The following GYS2 variants were observed in gnomAD, a reference collection of about 807,000 sequenced individuals.
GYS2 encodes glycogen synthase 2.
GYS2 carries 80 observed loss-of-function variants against 85.6 expected under a neutral mutation model. That is an observed-to-expected ratio of 0.93 (90% CI 0.78 to 1.13). The LOEUF (loss-of-function observed/expected upper bound fraction) is 1.13. GYS2 is among the 50% of genes most tolerant of loss of function. The pLI is 0.00. For synonymous variants in GYS2, 328 were observed against 300.7 expected (o/e 1.09, Z -0.94); for missense variants, 881 against 854.9 (o/e 1.03, Z -0.38).
At chr12:21,541,281 A>AAAAC (rs1943971490) in intron 13 of GYS2, among the ~76,000 whole-genome samples, 1 of 139,710 alleles carries the variant, frequency 7.2e-6, no homozygotes, top group African/African-American at 2.6e-5. Context: ...AAAAAAAAAA[A>AAAAC]AAAAAAAAAA....
chr12:21,562,774 A>T, intron 7 of GYS2, 144 bp downstream of exon 7: 1 of 824,500 alleles, frequency 1.2e-6, no homozygotes. Context: ...TCCAATATGT[A>T]AATTGAAAGG....
rs572041175 is a variant in GYS2 at position 21,567,901 on chromosome 12, C to G, written c.823+964G>C. Reference sequence around the variant, plus strand: ...CAGCCTGGCCAAGATAGTGAAACCCCGTCTCTACTAAAAATACAAAAATTA... The same window carrying G: ...CAGCCTGGCCAAGATAGTGAAACCCGGTCTCTACTAAAAATACAAAAATTA... On this transcript the variant is annotated intron_variant, in intron 5 of 15. Coordinates refer to ENST00000261195, the MANE Select transcript of GYS2 (RefSeq NM_021957.4). 2.6e-5 allele frequency among the ~76,000 whole-genome samples: 4 copies of G among 152,004 alleles called. No individual in the cohort carries two copies. In the South Asian group the frequency reaches 8.3e-4, roughly 32 times the overall value.
intron 3 of GYS2, among the ~76,000 whole-genome samples, chr12:21,575,635 T>C (rs2136905494): frequency 6.6e-6 from 1 of 152,264 alleles, no homozygotes; most frequent in African/African-American, 2.4e-5. Flanking sequence ...TTGATACACA[T>C]CATGCCATTT....
chr12:21,567,030 T>A (rs1306540218), intron 5 of GYS2, among the ~76,000 whole-genome samples: 1 of 152,138 alleles, frequency 6.6e-6, no homozygotes, highest in Non-Finnish European at 1.5e-5. Context: ...ATGTGCAGTG[T>A]CATGAAAAAT....
intron 12 of GYS2, 93 bp from the exon 13 acceptor site, chr12:21,542,684 A>T: frequency 1.3e-6 from 1 of 770,740 alleles, no homozygotes; most frequent in Non-Finnish European, 2.3e-6. Context: ...TCCTCCTAAG[A>T]ATAGCAATGT....
intron 1 of GYS2, among the ~76,000 whole-genome samples, chr12:21,590,839 C>G (rs1944630445): frequency 2.0e-5 from 3 of 152,126 alleles, no homozygotes; most frequent in Non-Finnish European, 4.4e-5. Context: ...CAAATGCACC[C>G]TAAGCCACTG....
chr12:21,543,687 G>A (rs1303136746), intron 12 of GYS2, among the ~76,000 whole-genome samples: 1 of 151,926 alleles, frequency 6.6e-6, no homozygotes, highest in Admixed American at 6.6e-5. Flanking sequence ...TCAACCCATC[G>A]TCTAGGTTTT....
chr12:21,559,676 T>G lies in GYS2; in HGVS notation c.1204A>C (p.Lys402Gln). Reference sequence around the variant, plus strand: ...CTTAATAATGCATCATAGAGTTTTTTTCCAAACTTTTCCTTCACAGAATGT... The same window carrying G: ...CTTAATAATGCATCATAGAGTTTTTGTCCAAACTTTTCCTTCACAGAATGT... ...VAHSVKEKFG[K>Q]KLYDALLRGE... is the part of the protein sequence containing the mutation. The change falls in exon 9 of 16, where the codon AAA becomes CAA. Residue 402 changes from lysine (K) to glutamine (Q), a missense_variant. Physicochemically the swap from Lys to Gln is moderately conservative, Grantham distance 53 (BLOSUM62 1). Transcript: ENST00000261195. The G allele has an allele frequency of 6.3e-7, 1 of 1,592,576 alleles. No homozygotes were observed. The highest frequency in any genetic ancestry group is 1.1e-5 in the South Asian group (1 of 90,626).
intron 11 of GYS2, among the ~76,000 whole-genome samples, chr12:21,555,993 AATGCTG>A: frequency 6.6e-6 from 1 of 152,134 alleles, no homozygotes; most frequent in Admixed American, 6.5e-5. Context: ...TGTGTTACTT[AATGCTG>A]TATCATGAGG....
intron 11 of GYS2, among the ~76,000 whole-genome samples, chr12:21,556,093 T>C (rs945060424): frequency 1.7e-4 from 26 of 152,312 alleles, no homozygotes; most frequent in African/African-American, 6.3e-4. Context: ...TTCCCTGACT[T>C]TTCTTCCTCT....
At chr12:21,598,414 A>G (rs891083201) in intron 1 of GYS2, among the ~76,000 whole-genome samples, 1 of 151,990 alleles carries the variant, frequency 6.6e-6, no homozygotes, top group Non-Finnish European at 1.5e-5. Context: ...ATTTCCCTGT[A>G]CTGTCTTGCT....
chr12:21,602,302 A>AAGAC (rs1944764073), intron 1 of GYS2, among the ~76,000 whole-genome samples: 2 of 152,056 alleles, frequency 1.3e-5, no homozygotes, highest in Non-Finnish European at 2.9e-5. Flanking sequence ...AAAGACCTAA[A>AAGAC]TCCTGGTCCT....
intron 11 of GYS2, among the ~76,000 whole-genome samples, chr12:21,549,295 G>T (rs927720698): frequency 3.3e-5 from 5 of 152,116 alleles, no homozygotes; most frequent in African/African-American, 1.2e-4. Flanking sequence ...TGATATAAAA[G>T]TACTGGGAAT....
intron 1 of GYS2, among the ~76,000 whole-genome samples, chr12:21,585,759 T>G (rs1944565712): frequency 6.6e-6 from 1 of 152,238 alleles, no homozygotes; most frequent in Non-Finnish European, 1.5e-5. Flanking sequence ...ACACTTGTAC[T>G]AAGAAAATAT....
rs759227300 is a variant in GYS2, at chr12:21,574,316, TG to T, written c.505del (p.His169MetfsTer20). 6.2e-7 allele frequency: 1 copy of T among 1,613,188 alleles called. No individual in the cohort carries two copies. Among genetic ancestry groups the T allele is most frequent in the South Asian group, 1.1e-5 (1 of 91,070 alleles). On this transcript the variant is annotated frameshift_variant, in exon 4 of 16. Transcript: ENST00000261195. LOFTEE classifies it high-confidence loss of function. ...TAWFLKEVTD[H>X]ADGKYVVAQF... ...GGCAACGACATATTTACCATCTGCA[TG>T]ATCTGTCACCTACATTAGGAAAAAA...
intron 5 of GYS2, among the ~76,000 whole-genome samples, chr12:21,566,781 G>T (rs1340844711): frequency 6.6e-6 from 1 of 152,168 alleles, no homozygotes; most frequent in Non-Finnish European, 1.5e-5. Flanking sequence ...CACACAGCTA[G>T]TAACGTATAC....
At chr12:21,551,167 C>T (rs532774513) in intron 11 of GYS2, among the ~76,000 whole-genome samples, 5 of 112,630 alleles carry the variant, frequency 4.4e-5, no homozygotes. Flanking sequence ...CCCCTCCCCC[C>T]ACCCCACAAC....
chr12:21,573,890 T>A (rs1944413800), intron 4 of GYS2, among the ~76,000 whole-genome samples: 1 of 152,172 alleles, frequency 6.6e-6, no homozygotes, highest in East Asian at 1.9e-4. Context: ...TCCTACCATA[T>A]CCCTCTGGAA....
chr12:21,547,381 G>A (rs1431398180), intron 11 of GYS2, among the ~76,000 whole-genome samples: 1 of 152,154 alleles, frequency 6.6e-6, no homozygotes, highest in Non-Finnish European at 1.5e-5. Flanking sequence ...ATGTCCTTCA[G>A]TAGGTGAATG....
Sources: gnomAD v4.1 joint callset for allele counts (sites outside exome capture counted in the v4.1 genomes callset) on GRCh38, gnomAD v4.1.1 for gene constraint, MANE v1.5 for transcripts, NCBI Gene and HGNC (gene_info 2026-07-23, HGNC 2026-07-21) for gene names.